Variants in KHDRBS2 observed in about 807,000 individuals in gnomAD.
KHDRBS2 encodes KH RNA binding domain containing, signal transduction associated 2.
KHDRBS2 carries 26 observed loss-of-function variants against 44.3 expected under a neutral mutation model. That is an observed-to-expected ratio of 0.59 (90% CI 0.43 to 0.81). The LOEUF is 0.81. Ranked by LOEUF, KHDRBS2 falls within the 40% of genes least tolerant of loss-of-function variation. The pLI, the probability that KHDRBS2 is intolerant of heterozygous loss-of-function variation, is 0.00. For missense variants in KHDRBS2, 476 were observed against 433.1 expected (o/e 1.10, Z -0.88); for synonymous variants, 194 against 151.1 (o/e 1.28, Z -2.08).
intron 2 of KHDRBS2, among the ~76,000 whole-genome samples, chr6:62,150,147 C>G (rs1814817531): frequency 6.6e-6 from 1 of 152,074 alleles, no homozygotes; most frequent in Non-Finnish European, 1.5e-5. Flanking sequence ...TTACTAGATT[C>G]AATCCAGCTG....
rs778922904 is a variant in KHDRBS2 at position 61,737,638 on chromosome 6, T to G, written c.811-4874A>C. 2.6e-5 allele frequency among the ~76,000 whole-genome samples: 4 copies of G among 152,066 alleles called. No homozygotes were observed. In the South Asian group the frequency reaches 8.3e-4, roughly 32 times the overall value. On this transcript the variant is annotated intron_variant, in intron 6 of 8. Coordinates refer to ENST00000281156, the MANE Select transcript of KHDRBS2 (RefSeq NM_152688.4). ...ACTAAGGAAGTAGTAGGTGGATTTC[T>G]GAAGAAGTGAGAAAAAAGCAAGAGT...
chr6:61,681,573 T>C (rs1582133164), intron 8 of KHDRBS2, among the ~76,000 whole-genome samples: 3 of 151,700 alleles, frequency 2.0e-5, no homozygotes, highest in South Asian at 2.1e-4. Context: ...TTAAATTGTA[T>C]AGAGAAAGTG....
At chr6:61,981,261 TTC>T (rs1376157820) in intron 3 of KHDRBS2, among the ~76,000 whole-genome samples, 1 of 152,214 alleles carries the variant, frequency 6.6e-6, no homozygotes, top group Non-Finnish European at 1.5e-5. Context: ...AGTTTGGTTT[TTC>T]TCTGTTAAAA....
chr6:61,818,434 A>C (rs1228052693), intron 6 of KHDRBS2, among the ~76,000 whole-genome samples: 1 of 151,996 alleles, frequency 6.6e-6, no homozygotes. Context: ...ATGCTAAAAA[A>C]TTGGGAGTGT....
At chr6:62,117,487 T>G (rs1167820745) in intron 2 of KHDRBS2, among the ~76,000 whole-genome samples, 3 of 152,194 alleles carry the variant, frequency 2.0e-5, no homozygotes, top group Non-Finnish European at 4.4e-5. Context: ...TTGAGTTCCT[T>G]AAGTATTTTG....
the KHDRBS2 span, among the ~76,000 whole-genome samples, chr6:61,552,112 C>T: frequency 6.6e-6 from 1 of 151,538 alleles, no homozygotes; most frequent in Non-Finnish European, 1.5e-5. Flanking sequence ...TGGTAAATGG[C>T]CATTTTAACA....
chr6:62,123,538 C>T (rs1808210648), intron 2 of KHDRBS2, among the ~76,000 whole-genome samples: 2 of 152,170 alleles, frequency 1.3e-5, no homozygotes, highest in African/African-American at 2.4e-5. Flanking sequence ...GTATCCTGCA[C>T]CCTTTAATCC....
At chr6:61,683,490 A>AGGAT (rs1424697574) in intron 8 of KHDRBS2, among the ~76,000 whole-genome samples, 1 of 151,908 alleles carries the variant, frequency 6.6e-6, no homozygotes, top group African/African-American at 2.4e-5. Flanking sequence ...CATGAAAGAA[A>AGGAT]GGATGGATGA....
chr6:62,246,136 A>ATATATATATAT (rs1563129377), intron 1 of KHDRBS2, among the ~76,000 whole-genome samples: 35 of 139,066 alleles, frequency 2.5e-4, no homozygotes, highest in South Asian at 1.3e-3. Flanking sequence ...ATATATATAT[A>ATATATATATAT]ATCAATGTTA....
intron 1 of KHDRBS2, among the ~76,000 whole-genome samples, chr6:62,221,980 A>C (rs1276525799): frequency 6.6e-6 from 1 of 152,214 alleles, no homozygotes; most frequent in African/African-American, 2.4e-5. Flanking sequence ...TTAAGTCCTA[A>C]ACAAGTAGCA....
At chr6:61,966,645 TG>T (rs1770009042) in intron 4 of KHDRBS2, among the ~76,000 whole-genome samples, 1 of 152,042 alleles carries the variant, frequency 6.6e-6, no homozygotes, top group Non-Finnish European at 1.5e-5. Flanking sequence ...TTCTTCATGC[TG>T]TCACTAGTCA....
At chr6:61,701,054 G>C (rs1381702374) in intron 7 of KHDRBS2, among the ~76,000 whole-genome samples, 2 of 151,856 alleles carry the variant, frequency 1.3e-5, no homozygotes, top group East Asian at 3.9e-4. Context: ...GGAGGGTGGT[G>C]GGTGCAAAGA....
At chr6:61,886,114 A>C (rs1302946263) in intron 6 of KHDRBS2, among the ~76,000 whole-genome samples, 1 of 151,988 alleles carries the variant, frequency 6.6e-6, no homozygotes, top group African/African-American at 2.4e-5. Flanking sequence ...CTCTTCTTTA[A>C]TCCACCCTAG....
intron 1 of KHDRBS2, among the ~76,000 whole-genome samples, chr6:62,209,789 T>C (rs1828709196): frequency 2.0e-5 from 3 of 152,188 alleles, no homozygotes; most frequent in Admixed American, 2.0e-4. Context: ...CCAGCCTTCA[T>C]CTTTCTCCTG....
chr6:61,651,285 A>T, the KHDRBS2 span, among the ~76,000 whole-genome samples: 1 of 152,044 alleles, frequency 6.6e-6, no homozygotes, highest in African/African-American at 2.4e-5. Context: ...ATTTTGGAAT[A>T]TTTGCTATAA....
chr6:61,866,388 C>T (rs1583238429), intron 6 of KHDRBS2, among the ~76,000 whole-genome samples: 1 of 152,208 alleles, frequency 6.6e-6, no homozygotes, highest in East Asian at 1.9e-4. Context: ...TATGTCGGCC[C>T]CTTTCAGCCA....
At chr6:62,255,405 T>A (rs1164836626) in intron 1 of KHDRBS2, among the ~76,000 whole-genome samples, 1 of 152,022 alleles carries the variant, frequency 6.6e-6, no homozygotes, top group African/African-American at 2.4e-5. Context: ...TTGAAGCTTG[T>A]TGTAATTTCA....
chr6:62,030,483 GA>G (rs1471133489), intron 3 of KHDRBS2, among the ~76,000 whole-genome samples: 9 of 152,036 alleles, frequency 5.9e-5, no homozygotes, highest in Non-Finnish European at 1.2e-4. Flanking sequence ...TAGGGAATGA[GA>G]ATCAAGTTAA....
chr6:61,945,094 AAAAAAAAAAAAAAAAAAAGTATATATAT>A (rs1812931427), intron 4 of KHDRBS2, among the ~76,000 whole-genome samples: 1 of 50,606 alleles, frequency 2.0e-5, no homozygotes, highest in African/African-American at 8.7e-5. Flanking sequence ...CTGTCTTAAA[AAAAAAAAAAAAAAAAAAAGTATATATAT>A]ATATATATAT....
Sources: allele counts gnomAD v4.1 joint callset (sites outside exome capture counted in the v4.1 genomes callset), GRCh38; gene constraint gnomAD v4.1.1; transcripts MANE v1.5; gene names NCBI Gene and HGNC (gene_info 2026-07-23, HGNC 2026-07-21).